Variants in TRMT2B observed in about 807,000 individuals in gnomAD.
The protein encoded by TRMT2B is tRNA methyltransferase 2B, also known as tRNA (uracil-5-)-methyltransferase homolog B.
TRMT2B carries 34 observed loss-of-function variants against 39.7 expected under a neutral mutation model. That is an observed-to-expected ratio of 0.86 (90% CI 0.65 to 1.14). The LOEUF (loss-of-function observed/expected upper bound fraction) is 1.14. TRMT2B is among the 50% of genes most tolerant of loss of function. TRMT2B has a pLI of 0.00. For synonymous variants in TRMT2B, 132 were observed against 137.3 expected, an observed-to-expected ratio of 0.96 and a Z score of 0.27; for missense variants, 318 against 377.2, an observed-to-expected ratio of 0.84 and a Z score of 1.30.
downstream of TRMT2B, among the ~76,000 whole-genome samples, chrX:101,004,485 G>A (rs1205091692): frequency 9.3e-6 from 1 of 107,156 alleles, no homozygotes; most frequent in Non-Finnish European, 1.9e-5. Flanking sequence ...TGTCAAAAAT[G>A]TGTTTTGTTT....
intron 7 of TRMT2B, among the ~76,000 whole-genome samples, chrX:101,030,468 T>TTTTTTTTTTTTTTC (rs2087383072): frequency 1.0e-5 from 1 of 100,098 alleles, no homozygotes; most frequent in African/African-American, 3.8e-5. Flanking sequence ...TTTTTTTTTT[T>TTTTTTTTTTTTTTC]CAGATGGAGT....
chrX:100,988,233 C>T, the TRMT2B span: 1 of 1,208,904 alleles, frequency 8.3e-7, no homozygotes, highest in Non-Finnish European at 1.1e-6. Context: ...GAAAAGACAG[C>T]ATCTAGAACA....
chrX:100,997,901 C>A, the TRMT2B span, among the ~76,000 whole-genome samples: 1 of 111,396 alleles, frequency 9.0e-6, no homozygotes, highest in Non-Finnish European at 1.9e-5. Context: ...ACACCCACAC[C>A]AACAGGGAAG....
At chrX:101,032,948 T>C (rs1297612715) in intron 7 of TRMT2B, among the ~76,000 whole-genome samples, 1 of 110,551 alleles carries the variant, frequency 9.0e-6, no homozygotes, top group East Asian at 2.8e-4. Flanking sequence ...TGACAGATCT[T>C]ATAAAGCATT....
At chrX:101,045,723 A>G (rs2088615821) in intron 2 of TRMT2B, among the ~76,000 whole-genome samples, 1 of 110,375 alleles carries the variant, frequency 9.1e-6, no homozygotes. Flanking sequence ...ACTTGAACCC[A>G]GTAGGTAGAG....
intron 6 of TRMT2B, among the ~76,000 whole-genome samples, chrX:101,036,495 C>T (rs904496576): frequency 5.0e-5 from 5 of 99,035 alleles, no homozygotes; most frequent in African/African-American, 1.9e-4. Context: ...GAAGGGATAA[C>T]TGAAAGTAAG....
At chrX:100,992,198 G>T in the TRMT2B span, among the ~76,000 whole-genome samples, 166 of 110,572 alleles carry the variant, frequency 1.5e-3, no homozygotes, top group African/African-American at 5.1e-3. Context: ...TTAAAATTTG[G>T]GGGTGAGGAA....
the TRMT2B span, chrX:100,986,786 G>T: frequency 8.7e-7 from 1 of 1,149,701 alleles, no homozygotes; most frequent in Non-Finnish European, 1.2e-6. Flanking sequence ...TCTCTCATAT[G>T]CTGTTTTAGT....
chrX:101,014,548 T>C (rs868255386), intron 13 of TRMT2B, among the ~76,000 whole-genome samples: 16 of 107,073 alleles, frequency 1.5e-4, no homozygotes, highest in African/African-American at 5.5e-4. Context: ...TTTTTTTTTT[T>C]AATTGAAACA....
intron 11 of TRMT2B, 121 bp from the exon 12 acceptor site, chrX:101,019,524 C>A: frequency 1.1e-6 from 1 of 886,888 alleles, no homozygotes; most frequent in Non-Finnish European, 1.6e-6. Context: ...AGCATCACTC[C>A]AAGTAACAAG....
chrX:100,993,520 C>T, the TRMT2B span, among the ~76,000 whole-genome samples: 1 of 111,685 alleles, frequency 9.0e-6, no homozygotes, highest in Middle Eastern at 4.6e-3. Flanking sequence ...ACTTTCTCAG[C>T]CAATAGAGAA....
At chrX:100,990,553 A>G in the TRMT2B span, 1 of 1,145,030 alleles carries the variant, frequency 8.7e-7, no homozygotes, top group Non-Finnish European at 1.2e-6. Context: ...CTGTATATCT[A>G]TATTCTAGCC....
intron 13 of TRMT2B, among the ~76,000 whole-genome samples, chrX:101,015,847 A>T (rs2086484953): frequency 1.8e-5 from 2 of 111,414 alleles, no homozygotes; most frequent in Non-Finnish European, 3.8e-5. Flanking sequence ...AGGTGGGCAG[A>T]TCATCTGACG....
chrX:101,000,272 C>A, the TRMT2B span, among the ~76,000 whole-genome samples: 5 of 109,680 alleles, frequency 4.6e-5, no homozygotes, highest in Admixed American at 4.9e-4. Context: ...AGGCGCCCAC[C>A]ACCGTGCCCA....
the TRMT2B span, chrX:100,990,337 G>A: frequency 1.1e-6 from 1 of 916,690 alleles, no homozygotes; most frequent in Non-Finnish European, 1.3e-6. Flanking sequence ...TTTCAACAGA[G>A]AAAGTAAAAG....
At chrX:101,000,465 C>T in the TRMT2B span, among the ~76,000 whole-genome samples, 2 of 110,873 alleles carry the variant, frequency 1.8e-5, no homozygotes, top group African/African-American at 6.5e-5. Context: ...TATAATCTTT[C>T]GCTAGAATTA....
chrX:101,009,804 G>T lies in TRMT2B; in HGVS notation c.*777C>A, dbSNP rs1349817576. On this transcript the variant is annotated 3_prime_UTR_variant, in exon 14 of 14. Coordinates refer to ENST00000372936, the MANE Select transcript of TRMT2B (RefSeq NM_024917.6). ...TCAGTCACCCTGTATTCACTTCATGGCTTACCCTGCTTTTAAAAAACCTCG... is the reference window on the plus strand; with the variant it reads ...TCAGTCACCCTGTATTCACTTCATGTCTTACCCTGCTTTTAAAAAACCTCG... 2 of 106,373 alleles carry T rather than the reference G, an allele frequency of 1.9e-5. No homozygotes were observed. Among genetic ancestry groups the T allele is most frequent in the African/African-American group, 3.4e-5 (1 of 29,201 alleles). The allele number at this position is 106,373 out of a possible 1,213,427, so 8.8% of individuals were successfully genotyped here. A position where few individuals can be genotyped will look rare whatever the true frequency, so the allele number is the denominator to read the frequency against.
At chrX:100,998,424 G>A in the TRMT2B span, among the ~76,000 whole-genome samples, 3 of 98,755 alleles carry the variant, frequency 3.0e-5, no homozygotes, top group South Asian at 4.7e-4. Flanking sequence ...GCGTGGTGGC[G>A]CATGCCTGTA....
the TRMT2B span, among the ~76,000 whole-genome samples, chrX:100,995,668 A>C: frequency 8.9e-6 from 1 of 112,030 alleles, no homozygotes; most frequent in Admixed American, 9.5e-5. Context: ...ATGAGACAGC[A>C]GGCCTTTAGA....
Sources: allele counts gnomAD v4.1 joint callset (sites outside exome capture counted in the v4.1 genomes callset), GRCh38; gene constraint gnomAD v4.1.1; transcripts MANE v1.5; gene names NCBI Gene and HGNC (gene_info 2026-07-23, HGNC 2026-07-21).